The following SYT9 variants were observed in gnomAD, a reference collection of about 807,000 sequenced individuals.
SYT9 encodes the protein synaptotagmin 9.
Under a neutral mutation model 48.4 loss-of-function variants are expected in SYT9, and 22 were observed. The observed-to-expected ratio is 0.45, with a 90% CI of 0.32 to 0.65. SYT9 has a LOEUF of 0.65. Among genes scored for constraint, SYT9 ranks in the 30% least tolerant of loss-of-function variants. The probability of loss-of-function intolerance (pLI) is 0.03; values close to 1 mark genes in which losing one functional copy is unlikely to be tolerated. For missense variants in SYT9, 577 were observed against 622.0 expected (o/e 0.93, Z 0.77); for synonymous variants, 265 against 245.0 (o/e 1.08, Z -0.76).
chr11:7,338,269 C>G (rs1849661020), intron 3 of SYT9, among the ~76,000 whole-genome samples: 1 of 151,980 alleles, frequency 6.6e-6, no homozygotes, highest in Non-Finnish European at 1.5e-5. Context: ...AACTAGTGAC[C>G]TATCTATTAT....
chr11:7,309,205 G>A (rs560397461), intron 2 of SYT9, among the ~76,000 whole-genome samples: 1 of 152,254 alleles, frequency 6.6e-6, no homozygotes, highest in South Asian at 2.1e-4. Flanking sequence ...TGCCCACCCA[G>A]AGAGAGAATG....
chr11:7,342,595 C>T (rs1182125368), intron 3 of SYT9, among the ~76,000 whole-genome samples: 2 of 152,192 alleles, frequency 1.3e-5, no homozygotes, highest in African/African-American at 4.8e-5. Context: ...TACAGCCTCC[C>T]TCCCGGCTGC....
chr11:7,243,482 C>A (rs1564833917), intron 1 of SYT9, among the ~76,000 whole-genome samples: 1 of 152,168 alleles, frequency 6.6e-6, no homozygotes. Flanking sequence ...CTTCTGCCTC[C>A]TCCTCCCCTT....
At chr11:7,295,817 G>A (rs1031476321) in intron 1 of SYT9, among the ~76,000 whole-genome samples, 2 of 152,128 alleles carry the variant, frequency 1.3e-5, no homozygotes, top group African/African-American at 4.8e-5. Context: ...ATTGCAACTA[G>A]CACTCTTGAA....
chr11:7,316,596 G>A (rs1241898864), intron 3 of SYT9, among the ~76,000 whole-genome samples: 5 of 152,086 alleles, frequency 3.3e-5, no homozygotes, highest in African/African-American at 7.2e-5. Context: ...GAATAATATC[G>A]CAGAGATTTT....
At chr11:7,308,348 G>T (rs1400032677) in intron 2 of SYT9, among the ~76,000 whole-genome samples, 1 of 152,176 alleles carries the variant, frequency 6.6e-6, no homozygotes, top group Non-Finnish European at 1.5e-5. Flanking sequence ...GTGGGCCACT[G>T]CAGTGAAGGA....
At chr11:7,278,046 A>G (rs1191860943) in intron 1 of SYT9, among the ~76,000 whole-genome samples, 1 of 152,212 alleles carries the variant, frequency 6.6e-6, no homozygotes, top group African/African-American at 2.4e-5. Context: ...GTCACATATG[A>G]TGAGAATCTT....
intron 3 of SYT9, among the ~76,000 whole-genome samples, chr11:7,332,764 C>G (rs1460440406): frequency 6.6e-6 from 1 of 152,166 alleles, no homozygotes; most frequent in Non-Finnish European, 1.5e-5. Flanking sequence ...TAAATTATTC[C>G]ATGGCTGAAC....
At chr11:7,355,876 T>C (rs1213296787) in intron 3 of SYT9, among the ~76,000 whole-genome samples, 2 of 152,232 alleles carry the variant, frequency 1.3e-5, no homozygotes. Flanking sequence ...TGCTCCCAAA[T>C]ATACCAGGAG....
intron 6 of SYT9, among the ~76,000 whole-genome samples, chr11:7,451,299 A>G (rs1428056346): frequency 1.3e-5 from 2 of 152,242 alleles, no homozygotes; most frequent in African/African-American, 4.8e-5. Context: ...TTTAGAAGGC[A>G]TGCTGTGTTC....
intron 3 of SYT9, among the ~76,000 whole-genome samples, chr11:7,363,878 A>C (rs1299555632): frequency 1.3e-5 from 2 of 151,460 alleles, no homozygotes; most frequent in African/African-American, 4.9e-5. Flanking sequence ...CCTGTCCCAG[A>C]TAGAAGTGAG....
chr11:7,318,182 T>C (rs921206876), intron 3 of SYT9, among the ~76,000 whole-genome samples: 1 of 152,220 alleles, frequency 6.6e-6, no homozygotes, highest in Admixed American at 6.5e-5. Flanking sequence ...TTGTTAGATT[T>C]ATTGCTAGGT....
intron 1 of SYT9, among the ~76,000 whole-genome samples, chr11:7,294,250 G>C (rs528047786): frequency 2.4e-4 from 37 of 152,202 alleles, no homozygotes; most frequent in African/African-American, 7.9e-4. Context: ...ATTTGGGGGG[G>C]ACACAAGCAT....
intron 3 of SYT9, among the ~76,000 whole-genome samples, chr11:7,408,168 G>T (rs1847059361): frequency 6.6e-6 from 1 of 152,146 alleles, no homozygotes; most frequent in African/African-American, 2.4e-5. Flanking sequence ...TCGCTCTGTT[G>T]CCCAGGCTGG....
chr11:7,434,986 G>A (rs969884845), intron 6 of SYT9: 2 of 152,104 alleles, frequency 1.3e-5, no homozygotes, highest in Admixed American at 1.3e-4. Flanking sequence ...CACTTACCTA[G>A]AACTAGTCTT....
intron 6 of SYT9, chr11:7,454,178 C>G (rs934107948): frequency 3.3e-5 from 33 of 985,374 alleles, no homozygotes; most frequent in Non-Finnish European, 4.0e-5. Flanking sequence ...CTCCAGCTCC[C>G]AGAATCACCC....
intron 3 of SYT9, among the ~76,000 whole-genome samples, chr11:7,400,667 C>G (rs1347459461): frequency 6.6e-6 from 1 of 152,092 alleles, no homozygotes; most frequent in East Asian, 1.9e-4. Flanking sequence ...TTTATAAAAT[C>G]AAAGAGAGAC....
At chr11:7,444,747 G>C (rs1281662459) in intron 6 of SYT9, among the ~76,000 whole-genome samples, 3 of 152,114 alleles carry the variant, frequency 2.0e-5, no homozygotes, top group African/African-American at 7.2e-5. Flanking sequence ...GGGCCAAGCA[G>C]GAATGGATTG....
chr11:7,451,242 C>A (rs2134148370), intron 6 of SYT9, among the ~76,000 whole-genome samples: 1 of 152,250 alleles, frequency 6.6e-6, no homozygotes, highest in South Asian at 2.1e-4. Context: ...TAACAGAAAG[C>A]CCTTTGTTTT....
Sources: allele counts gnomAD v4.1 joint callset (sites outside exome capture counted in the v4.1 genomes callset), GRCh38; gene constraint gnomAD v4.1.1; transcripts MANE v1.5; gene names NCBI Gene and HGNC (gene_info 2026-07-23, HGNC 2026-07-21).